The following ZNF138 variants were observed in gnomAD, a reference collection of about 807,000 sequenced individuals.
ZNF138 encodes zinc finger protein 138, also known as zinc finger protein 138 (clone pHZ-32).
ZNF138 carries 33 observed loss-of-function variants against 33.0 expected under a neutral mutation model. The observed-to-expected ratio is 1.00, with a 90% CI of 0.76 to 1.34. The LOEUF (loss-of-function observed/expected upper bound fraction) is 1.34. Ranked by LOEUF, ZNF138 falls within the 40% of genes most tolerant of loss-of-function variation. The probability of loss-of-function intolerance (pLI) is 0.00; values close to 1 mark genes in which losing one functional copy is unlikely to be tolerated. For synonymous variants in ZNF138, 139 were observed against 120.4 expected, an observed-to-expected ratio of 1.15 and a Z score of -1.01; for missense variants, 360 against 370.8, an observed-to-expected ratio of 0.97 and a Z score of 0.24.
chr7:64,837,159 G>A (rs1790392707), downstream of ZNF138, among the ~76,000 whole-genome samples: 1 of 152,154 alleles, frequency 6.6e-6, no homozygotes, highest in East Asian at 1.9e-4. Context: ...TGGTTGGGGG[G>A]AGGGAAGTGA....
chr7:64,809,140 C>T (rs1199649659), intron 1 of ZNF138, among the ~76,000 whole-genome samples: 16 of 119,278 alleles, frequency 1.3e-4, no homozygotes, highest in Admixed American at 7.5e-4. Context: ...AGAGGGGCTC[C>T]TCACTTCCCA....
chr7:64,797,794 A>G (rs1437381387), intron 1 of ZNF138, among the ~76,000 whole-genome samples: 2 of 152,236 alleles, frequency 1.3e-5, no homozygotes, highest in African/African-American at 4.8e-5. Flanking sequence ...AAATACTGCA[A>G]CAGAAGGAAG....
At chr7:64,827,391 C>T (rs1170058343) in intron 3 of ZNF138, among the ~76,000 whole-genome samples, 4 of 151,980 alleles carry the variant, frequency 2.6e-5, no homozygotes, top group Non-Finnish European at 5.9e-5. Flanking sequence ...ACTACAGGCA[C>T]CCGCCACCAC....
In ZNF138 at chr7:64,826,262, C is replaced by T. The variant is rs193211817; in HGVS notation, c.209-5189C>T. 5.3e-4 allele frequency among the ~76,000 whole-genome samples: 80 copies of T among 151,708 alleles called. No homozygotes were observed. The East Asian group carries it at 8.2e-3, about 15-fold the overall frequency. On this transcript the variant is annotated intron_variant, in intron 3 of 3. Transcript: ENST00000307355. Reference sequence around the variant, plus strand: ...TTTGTTTATTTTAATTGTGTAGTGACGTGCTTTGATTATTTATTTGTTTAT... The same window carrying T: ...TTTGTTTATTTTAATTGTGTAGTGATGTGCTTTGATTATTTATTTGTTTAT...
the ZNF138 span, among the ~76,000 whole-genome samples, chr7:64,854,213 T>C: frequency 6.6e-6 from 1 of 152,206 alleles, no homozygotes; most frequent in Admixed American, 6.5e-5. Context: ...AATAAAATAT[T>C]GAACTTTAAA....
chr7:64,816,389 A>G (rs1788638092), intron 3 of ZNF138, among the ~76,000 whole-genome samples: 1 of 151,884 alleles, frequency 6.6e-6, no homozygotes, highest in Non-Finnish European at 1.5e-5. Context: ...GATATGTTAC[A>G]TTGTAAAAAT....
intron 1 of ZNF138, among the ~76,000 whole-genome samples, chr7:64,797,187 C>T (rs1470298700): frequency 1.3e-5 from 2 of 152,132 alleles, no homozygotes; most frequent in South Asian, 2.1e-4. Flanking sequence ...CTTCTGTATC[C>T]AGTCATCTTG....
At chr7:64,801,209 G>T (rs1015186685) in intron 1 of ZNF138, among the ~76,000 whole-genome samples, 2 of 151,818 alleles carry the variant, frequency 1.3e-5, no homozygotes, top group Non-Finnish European at 2.9e-5. Context: ...GCTAGCTTAG[G>T]GGTTTGTTTC....
chr7:64,859,867 G>A, the ZNF138 span, among the ~76,000 whole-genome samples: 4 of 152,026 alleles, frequency 2.6e-5, no homozygotes, highest in Non-Finnish European at 4.4e-5. Context: ...GGCTGTGCAC[G>A]GTGGCTCACG....
the ZNF138 span, among the ~76,000 whole-genome samples, chr7:64,844,612 A>G: frequency 6.7e-6 from 1 of 149,568 alleles, no homozygotes; most frequent in Admixed American, 6.6e-5. Flanking sequence ...ATTTTTTTTT[A>G]ATTTCCATAG....
In ZNF138 at chr7:64,832,116, C is replaced by A. The variant is rs746866388; in HGVS notation, c.874C>A (p.Pro292Thr). ...ATGTGGCAAGGTCTTTAAGCAGTCCCCAACCCTTACTAAACATCAGATAAT... is the reference window on the plus strand; with the variant it reads ...ATGTGGCAAGGTCTTTAAGCAGTCCACAACCCTTACTAAACATCAGATAAT... ...EQCGKVFKQS[P>T]TLTKHQIIYT... The change falls in exon 4 of 4, where the codon CCA becomes ACA. Residue 292 changes from proline to threonine, a missense_variant. Physicochemically the swap from Pro to Thr is conservative, Grantham distance 38. Transcript: ENST00000307355. 8 of 1,612,690 alleles carry A rather than the reference C, an allele frequency of 5.0e-6. No individual in the cohort carries two copies. Among genetic ancestry groups the A allele is most frequent in the Non-Finnish European group, 6.8e-6 (8 of 1,179,664 alleles).
chr7:64,830,597 A>G (rs1000064909), intron 3 of ZNF138, among the ~76,000 whole-genome samples: 3 of 152,154 alleles, frequency 2.0e-5, no homozygotes, highest in Admixed American at 6.5e-5. Context: ...TGCTGGAATT[A>G]CAGACATGAG....
At chr7:64,803,071 A>G (rs1246981589) in intron 1 of ZNF138, among the ~76,000 whole-genome samples, 1 of 152,196 alleles carries the variant, frequency 6.6e-6, no homozygotes, top group African/African-American at 2.4e-5. Context: ...CCTGCATGAA[A>G]ATAAGGGAGG....
intron 3 of ZNF138, among the ~76,000 whole-genome samples, chr7:64,825,543 CT>C (rs112905168): frequency 0.029 from 3,779 of 132,394 alleles, 45 homozygotes; most frequent in Non-Finnish European, 0.036. Flanking sequence ...TATTTATTAA[CT>C]TTTTTTTTTT....
intron 3 of ZNF138, chr7:64,830,885 TTTCA>T (rs1160512959): frequency 1.4e-6 from 2 of 1,480,622 alleles, no homozygotes; most frequent in Non-Finnish European, 1.8e-6. Flanking sequence ...TTCATTCTTG[TTTCA>T]TCTTAATAGT....
chr7:64,821,641 G>A (rs542193527), intron 3 of ZNF138, among the ~76,000 whole-genome samples: 1 of 151,158 alleles, frequency 6.6e-6, no homozygotes, highest in Admixed American at 6.6e-5. Flanking sequence ...CCACCTCCCG[G>A]GTTCAAGTGA....
At position 64,805,272 on chromosome 7, in the gene ZNF138, G is replaced by C. The variant is rs75209203; in HGVS notation, c.4-9646G>C. On this transcript the variant is annotated intron_variant, in intron 1 of 3. Transcript: ENST00000307355. ...AAATTAGCTGGGCGTGGTGGCAGGT[G>C]CCTGTAATCTCAGCTACTCAGGAGG... 7.9e-5 allele frequency among the ~76,000 whole-genome samples: 12 copies of C among 151,982 alleles called. No individual in the cohort carries two copies. The East Asian group carries it at 2.3e-3, about 29-fold the overall frequency.
intron 1 of ZNF138, 106 bp from the exon 2 acceptor site, chr7:64,814,812 T>C: frequency 1.4e-6 from 2 of 1,413,934 alleles, no homozygotes; most frequent in Non-Finnish European, 2.0e-6. Flanking sequence ...CTGTAAGACA[T>C]AATCAGTTTT....
In ZNF138 at chr7:64,831,457, G is replaced by A; in HGVS notation, c.215G>A (p.Cys72Tyr). Residue 72 changes from cysteine (C) to tyrosine (Y), a missense_variant, in exon 4 of 4, where the codon TGT becomes TAT. By Grantham distance (194) the Cys-to-Tyr change is radical. Transcript: ENST00000307355. ...TATTTTTTGTTTCTTTCAGCTCTGT[G>A]TTCTCGTTTTGCCCAAGACCTTTGG... ...EMVVAKHSAL[C>Y]SRFAQDLWLE... is the part of the protein sequence containing the mutation. The A allele has an allele frequency of 2.6e-6, 4 of 1,550,978 alleles. No homozygotes were observed. Among genetic ancestry groups the A allele is most frequent in the Non-Finnish European group, 3.5e-6 (4 of 1,154,524 alleles).
Sources: gnomAD v4.1 joint callset for allele counts (sites outside exome capture counted in the v4.1 genomes callset) on GRCh38, gnomAD v4.1.1 for gene constraint, MANE v1.5 for transcripts, NCBI Gene and HGNC (gene_info 2026-07-23, HGNC 2026-07-21) for gene names.